EXOC4: variants seen among roughly 807,000 people sequenced by gnomAD.
The protein encoded by EXOC4 is SEC8-like 1.
In EXOC4, 71 loss-of-function variants were observed where a neutral mutation model predicts 107.2. That is an observed-to-expected ratio of 0.66 (90% confidence interval 0.55 to 0.81). The LOEUF (loss-of-function observed/expected upper bound fraction) is 0.81. EXOC4 is among the 30% of genes least tolerant of loss of function. EXOC4 has a pLI of 0.00. For synonymous variants in EXOC4, 456 were observed against 441.2 expected (o/e 1.03, Z -0.42); for missense variants, 1,108 against 1,189.6 (o/e 0.93, Z 1.01).
chr7:133,835,624 T>TG (rs1409921333), intron 11 of EXOC4, among the ~76,000 whole-genome samples: 1 of 152,204 alleles, frequency 6.6e-6, no homozygotes, highest in Non-Finnish European at 1.5e-5. Context: ...ATTAGTGAAT[T>TG]GGGGGTCCCA....
chr7:133,942,269 CT>C (rs879804373), intron 14 of EXOC4, among the ~76,000 whole-genome samples: 594 of 143,576 alleles, frequency 4.1e-3, no homozygotes, highest in Admixed American at 4.5e-3. Flanking sequence ...TCTAGGAAGT[CT>C]TTTTTTTTTT....
chr7:133,946,524 T>C (rs1361368653), intron 14 of EXOC4, among the ~76,000 whole-genome samples: 1 of 152,218 alleles, frequency 6.6e-6, no homozygotes, highest in Admixed American at 6.5e-5. Context: ...TGTATGATGA[T>C]CCAGTTTTGT....
chr7:133,315,612 A>G (rs1031578800), intron 4 of EXOC4, among the ~76,000 whole-genome samples: 7 of 152,204 alleles, frequency 4.6e-5, no homozygotes, highest in African/African-American at 1.7e-4. Context: ...TATCTAATTT[A>G]TTTTATAAAT....
chr7:134,057,455 A>C (rs184089055), intron 17 of EXOC4, among the ~76,000 whole-genome samples: 358 of 152,122 alleles, frequency 2.4e-3, no homozygotes, highest in Non-Finnish European at 4.0e-3. Flanking sequence ...TCTCCACCTT[A>C]GTTTTCTCAT....
At chr7:133,289,183 C>G in intron 3 of EXOC4, 67 bp downstream of exon 3, 5 of 1,408,752 alleles carry the variant, frequency 3.5e-6, no homozygotes, top group Non-Finnish European at 4.9e-6. Context: ...TTTATTCTCT[C>G]TGAATCCTGT....
intron 11 of EXOC4, among the ~76,000 whole-genome samples, chr7:133,831,837 A>G (rs1418201679): frequency 1.3e-5 from 2 of 152,198 alleles, no homozygotes; most frequent in African/African-American, 2.4e-5. Flanking sequence ...ATATATTTCT[A>G]TATGTAACCA....
intron 10 of EXOC4, among the ~76,000 whole-genome samples, chr7:133,692,870 C>T (rs560303947): frequency 6.6e-6 from 1 of 152,132 alleles, no homozygotes; most frequent in South Asian, 2.1e-4. Flanking sequence ...AATTATTTGC[C>T]ACATGTTCGG....
intron 13 of EXOC4, among the ~76,000 whole-genome samples, chr7:133,932,430 TTTG>T (rs1412094856): frequency 6.6e-6 from 1 of 152,184 alleles, no homozygotes; most frequent in African/African-American, 2.4e-5. Context: ...TAATTAACTC[TTTG>T]TTGTTATTTT....
At chr7:133,902,655 C>A (rs1041522590) in intron 12 of EXOC4, among the ~76,000 whole-genome samples, 1 of 152,038 alleles carries the variant, frequency 6.6e-6, no homozygotes, top group Non-Finnish European at 1.5e-5. Flanking sequence ...CAGATTGAGA[C>A]CATCATGGCC....
At chr7:134,004,768 G>T (rs915366032) in intron 15 of EXOC4, 144 bp from the exon 16 acceptor site, 6 of 644,706 alleles carry the variant, frequency 9.3e-6, no homozygotes, top group Admixed American at 2.9e-5. Context: ...CACAAATAGG[G>T]TACACAGTAA....
intron 10 of EXOC4, among the ~76,000 whole-genome samples, chr7:133,703,528 A>C (rs1404693670): frequency 6.6e-6 from 1 of 152,248 alleles, no homozygotes; most frequent in African/African-American, 2.4e-5. Context: ...TTCAGTGAGC[A>C]CAAGTCACTG....
At chr7:133,667,087 A>G (rs912830055) in intron 10 of EXOC4, among the ~76,000 whole-genome samples, 1 of 152,192 alleles carries the variant, frequency 6.6e-6, no homozygotes, top group African/African-American at 2.4e-5. Context: ...AATACTTGTC[A>G]TACATTAAGG....
At chr7:133,692,369 CT>C (rs553843292) in intron 10 of EXOC4, among the ~76,000 whole-genome samples, 204 of 152,246 alleles carry the variant, frequency 1.3e-3, no homozygotes, top group African/African-American at 4.5e-3. Flanking sequence ...GTGTGCTTTT[CT>C]TTTTACAGCA....
At chr7:133,840,015 A>T (rs991465568) in intron 11 of EXOC4, among the ~76,000 whole-genome samples, 2 of 152,224 alleles carry the variant, frequency 1.3e-5, no homozygotes, top group African/African-American at 4.8e-5. Context: ...TTGGGAGTTC[A>T]GGAGACAGTG....
intron 10 of EXOC4, among the ~76,000 whole-genome samples, chr7:133,708,157 T>TA (rs1448058026): frequency 2.6e-5 from 4 of 152,156 alleles, no homozygotes; most frequent in African/African-American, 9.7e-5. Context: ...GACTCCTTGT[T>TA]ACAAGGAGAA....
At chr7:133,948,513 T>G (rs1206165831) in intron 14 of EXOC4, among the ~76,000 whole-genome samples, 1 of 152,116 alleles carries the variant, frequency 6.6e-6, no homozygotes. Flanking sequence ...TTCAAACAGC[T>G]TCCTTATTAA....
chr7:133,557,490 C>A (rs1325265152), intron 9 of EXOC4, among the ~76,000 whole-genome samples: 1 of 152,040 alleles, frequency 6.6e-6, no homozygotes, highest in East Asian at 1.9e-4. Flanking sequence ...ATTTTGAAAT[C>A]AAAACGTTCA....
At chr7:134,069,154 C>T (rs1197482167), downstream of EXOC4, among the ~76,000 whole-genome samples, 7 of 152,278 alleles carry the variant, frequency 4.6e-5, no homozygotes, top group Non-Finnish European at 5.9e-5. Context: ...AGGACTCTCA[C>T]GATCCACTGT....
intron 10 of EXOC4, among the ~76,000 whole-genome samples, chr7:133,691,656 AATATC>A (rs1446192352): frequency 6.6e-6 from 1 of 152,174 alleles, no homozygotes; most frequent in Non-Finnish European, 1.5e-5. Context: ...AGCGAGCAAA[AATATC>A]AGATACTTAT....
Sources: gnomAD v4.1 joint callset for allele counts (sites outside exome capture counted in the v4.1 genomes callset) on GRCh38, gnomAD v4.1.1 for gene constraint, MANE v1.5 for transcripts, NCBI Gene and HGNC (gene_info 2026-07-23, HGNC 2026-07-21) for gene names.